DLGAP2: variants seen among roughly 807,000 people sequenced by gnomAD.
DLGAP2 encodes the protein DLG associated protein 2, also known as disks large-associated protein 2.
Under a neutral mutation model 100.3 loss-of-function variants are expected in DLGAP2, and 26 were observed. The observed-to-expected ratio is 0.26, with a 90% CI of 0.19 to 0.36. The LOEUF is 0.36. DLGAP2 is among the 10% of genes least tolerant of loss of function. The pLI is 1.00. For missense variants in DLGAP2, 1,858 were observed against 1,453.2 expected (o/e 1.28, Z -4.53); for synonymous variants, 886 against 630.1 (o/e 1.41, Z -6.08).
chr8:861,759 G>T (rs989493834), intron 1 of DLGAP2, among the ~76,000 whole-genome samples: 1 of 152,206 alleles, frequency 6.6e-6, no homozygotes, highest in South Asian at 2.1e-4. Flanking sequence ...GCGTTGACGC[G>T]CAGCTTGTCC....
At chr8:1,349,713 G>A (rs1182467690) in intron 3 of DLGAP2, among the ~76,000 whole-genome samples, 1 of 151,568 alleles carries the variant, frequency 6.6e-6, no homozygotes, top group Non-Finnish European at 1.5e-5. Context: ...CATGTCATGA[G>A]CCTCCCGCCC....
At chr8:1,358,201 C>CACA (rs1801899937) in intron 3 of DLGAP2, among the ~76,000 whole-genome samples, 3 of 152,132 alleles carry the variant, frequency 2.0e-5, no homozygotes, top group South Asian at 4.1e-4. Flanking sequence ...AGGATGTGGA[C>CACA]GCACAAAGGA....
intron 6 of DLGAP2, among the ~76,000 whole-genome samples, chr8:1,613,541 A>AT (rs1265411630): frequency 2.2e-5 from 3 of 134,282 alleles, no homozygotes; most frequent in Non-Finnish European, 3.2e-5. Flanking sequence ...TTAAAGTATA[A>AT]TAAAAAAAAA....
At chr8:877,038 T>A (rs1208563753) in intron 1 of DLGAP2, among the ~76,000 whole-genome samples, 1 of 151,706 alleles carries the variant, frequency 6.6e-6, no homozygotes, top group Non-Finnish European at 1.5e-5. Context: ...TCTTCTACCA[T>A]CTTTACCTCT....
chr8:1,675,255 G>A (rs1798784885), intron 10 of DLGAP2, among the ~76,000 whole-genome samples: 1 of 152,184 alleles, frequency 6.6e-6, no homozygotes, highest in Non-Finnish European at 1.5e-5. Context: ...TCTTCTGTGC[G>A]GCACCCGGCT....
chr8:1,279,009 A>G (rs1799762426), intron 3 of DLGAP2, among the ~76,000 whole-genome samples: 1 of 152,228 alleles, frequency 6.6e-6, no homozygotes, highest in Non-Finnish European at 1.5e-5. Context: ...AAATATAAAG[A>G]ACATATAGTA....
intron 3 of DLGAP2, among the ~76,000 whole-genome samples, chr8:1,471,566 C>G (rs1798793359): frequency 6.6e-6 from 1 of 150,468 alleles, no homozygotes; most frequent in South Asian, 2.1e-4. Context: ...CTGCGACGCC[C>G]TCCCCTCCCC....
intron 3 of DLGAP2, among the ~76,000 whole-genome samples, chr8:1,290,345 TCCC>T (rs1800031330): frequency 6.6e-6 from 1 of 152,184 alleles, no homozygotes; most frequent in Admixed American, 6.5e-5. Context: ...CATATGATGG[TCCC>T]GCTTTACAAA....
At position 1,157,972 on chromosome 8, in the gene DLGAP2, T is replaced by C. The variant is rs573437138; in HGVS notation, c.74-100879T>C. 1.2e-4 allele frequency among the ~76,000 whole-genome samples: 18 copies of C among 152,340 alleles called. No homozygotes were observed. The South Asian group carries it at 1.2e-3, about 11-fold the overall frequency. ...GTGCCTTCAAGAGTATCAGGAGTTATACAAGAGACAGATTCCAGTTTTACA... is the reference window on the plus strand; with the variant it reads ...GTGCCTTCAAGAGTATCAGGAGTTACACAAGAGACAGATTCCAGTTTTACA... On this transcript the variant is annotated intron_variant, in intron 2 of 14. Coordinates refer to ENST00000637795, the MANE Select transcript of DLGAP2 (RefSeq NM_001346810.2).
chr8:890,782 C>T (rs1201284685), intron 1 of DLGAP2, among the ~76,000 whole-genome samples: 1 of 152,114 alleles, frequency 6.6e-6, no homozygotes, highest in Admixed American at 6.5e-5. Flanking sequence ...GCCTCAGCCC[C>T]CTGTCCTTTG....
At chr8:1,089,810 T>C (rs1804111368) in intron 2 of DLGAP2, among the ~76,000 whole-genome samples, 1 of 152,270 alleles carries the variant, frequency 6.6e-6, no homozygotes, top group Non-Finnish European at 1.5e-5. Context: ...CGCTTTTGTA[T>C]GGATTCCACA....
intron 8 of DLGAP2, among the ~76,000 whole-genome samples, chr8:1,654,560 C>A (rs980498294): frequency 6.6e-6 from 1 of 150,936 alleles, no homozygotes; most frequent in Non-Finnish European, 1.5e-5. Flanking sequence ...ACTCGGGAGA[C>A]TGAGGCAGGA....
intron 2 of DLGAP2, among the ~76,000 whole-genome samples, chr8:1,258,142 G>C (rs1301395785): frequency 6.6e-6 from 1 of 152,178 alleles, no homozygotes; most frequent in East Asian, 1.9e-4. Flanking sequence ...ATGGATTTTA[G>C]TGTTTTCCTG....
chr8:1,198,165 G>C (rs142582621), intron 2 of DLGAP2, among the ~76,000 whole-genome samples: 1 of 152,022 alleles, frequency 6.6e-6, no homozygotes, highest in African/African-American at 2.4e-5. Context: ...CAGGCCCTCC[G>C]GTGTGGTGCT....
intron 1 of DLGAP2, among the ~76,000 whole-genome samples, chr8:750,073 A>G (rs34513530): frequency 0.26 from 39,441 of 152,254 alleles, 6,414 homozygotes; most frequent in Non-Finnish European, 0.36. Flanking sequence ...GCCTTAGTTC[A>G]TCACCTCTGC....
intron 1 of DLGAP2, among the ~76,000 whole-genome samples, chr8:847,616 C>G (rs902351916): frequency 1.3e-5 from 2 of 152,120 alleles, no homozygotes; most frequent in African/African-American, 2.4e-5. Flanking sequence ...CAGCAGTTCT[C>G]CCACCTCAGC....
At chr8:923,906 G>A (rs1000816799) in intron 2 of DLGAP2, among the ~76,000 whole-genome samples, 1 of 152,238 alleles carries the variant, frequency 6.6e-6, no homozygotes, top group African/African-American at 2.4e-5. Context: ...GAAATGGCCT[G>A]TGAGTGATTT....
chr8:883,366 T>C (rs927098935), intron 1 of DLGAP2: 3 of 152,166 alleles, frequency 2.0e-5, no homozygotes, highest in African/African-American at 4.8e-5. Context: ...TGGGCCTACA[T>C]TGGCCTAGGG....
intron 3 of DLGAP2, among the ~76,000 whole-genome samples, chr8:1,366,530 G>T (rs1163365222): frequency 6.6e-6 from 1 of 152,214 alleles, no homozygotes; most frequent in Non-Finnish European, 1.5e-5. Context: ...GGGATGTTCA[G>T]CGGCTGACCT....
Sources: allele counts gnomAD v4.1 joint callset (sites outside exome capture counted in the v4.1 genomes callset), GRCh38; gene constraint gnomAD v4.1.1; transcripts MANE v1.5; gene names NCBI Gene and HGNC (gene_info 2026-07-23, HGNC 2026-07-21).